The following LIN54 variants were observed in gnomAD, a reference collection of about 807,000 sequenced individuals.
LIN54 encodes the protein protein lin-54 homolog.
In LIN54, 9 loss-of-function variants were observed where a neutral mutation model predicts 78.7. The observed-to-expected ratio is 0.11, with a 90% CI of 0.07 to 0.20. The LOEUF (loss-of-function observed/expected upper bound fraction) is 0.20. LIN54 is among the 10% of genes least tolerant of loss of function. LIN54 has a pLI of 1.00. For synonymous variants in LIN54, 269 were observed against 318.4 expected, an observed-to-expected ratio of 0.84 and a Z score of 1.65; for missense variants, 573 against 889.9, an observed-to-expected ratio of 0.64 and a Z score of 4.53.
At chr4:82,949,305 G>A (rs1723655919) in intron 4 of LIN54, among the ~76,000 whole-genome samples, 2 of 152,034 alleles carry the variant, frequency 1.3e-5, no homozygotes, top group Admixed American at 6.6e-5. Flanking sequence ...GGCCATTTTT[G>A]TACCTTTGCA....
chr4:82,958,047 G>A (rs1724483811), intron 4 of LIN54, among the ~76,000 whole-genome samples: 1 of 151,984 alleles, frequency 6.6e-6, no homozygotes, highest in African/African-American at 2.4e-5. Context: ...ATTCTATTTT[G>A]TCTGCTGAAC....
upstream of LIN54, chr4:83,011,914 G>A (rs1442990997): frequency 8.8e-6 from 4 of 452,966 alleles, no homozygotes; most frequent in African/African-American, 8.5e-5. Context: ...TAAGCTCTGG[G>A]CAAACTGAAT....
chr4:82,990,559 T>C (rs185425896), intron 1 of LIN54, among the ~76,000 whole-genome samples: 2,440 of 151,948 alleles, frequency 0.016, 32 homozygotes, highest in Non-Finnish European at 0.025. Context: ...TCTCGGCTCA[T>C]TGCAAGCTCC....
chr4:82,981,309 T>C (rs968654176), intron 2 of LIN54, among the ~76,000 whole-genome samples: 3 of 152,186 alleles, frequency 2.0e-5, no homozygotes, highest in African/African-American at 7.2e-5. Flanking sequence ...CATGGGAAAG[T>C]GTTTATATAT....
At chr4:82,956,349 C>T (rs1724329281) in intron 4 of LIN54, among the ~76,000 whole-genome samples, 4 of 16,296 alleles carry the variant, frequency 2.5e-4, no homozygotes, top group Admixed American at 2.0e-3. Flanking sequence ...AATCCCGTCT[C>T]AACTAAAAAA....
At chr4:82,947,230 TATA>T (rs1309937491) in intron 4 of LIN54, among the ~76,000 whole-genome samples, 10 of 39,922 alleles carry the variant, frequency 2.5e-4, no homozygotes, top group Admixed American at 1.5e-3. Flanking sequence ...TATATATATA[TATA>T]TATTTTTTTT....
chr4:82,974,193 G>C (rs1252699233), intron 3 of LIN54, among the ~76,000 whole-genome samples: 1 of 151,338 alleles, frequency 6.6e-6, no homozygotes, highest in South Asian at 2.1e-4. Flanking sequence ...CTGGGTGACA[G>C]AGCAAAACTC....
Position 82,942,201 on chromosome 4 carries a change from C to T in LIN54, c.1169-2239G>A, listed in dbSNP as rs192648788. 2.8e-4 allele frequency among the ~76,000 whole-genome samples: 43 copies of T among 152,090 alleles called. 1 individual carries two copies. In the East Asian group the frequency reaches 6.8e-3, roughly 24 times the overall value. ...GGCTAAAGACAAAAAAGCTGAGAGT[C>T]CTAGAAGAGAATCTTAGAGTAGGCA... On this transcript the variant is annotated intron_variant, in intron 5 of 12. Coordinates refer to ENST00000340417, the MANE Select transcript of LIN54 (RefSeq NM_194282.4).
At chr4:82,940,411 C>T (rs10014698) in intron 5 of LIN54, among the ~76,000 whole-genome samples, 64,063 of 151,880 alleles carry the variant, frequency 0.42, 16,708 homozygotes, top group Admixed American at 0.58. Context: ...TTTTTTGAGA[C>T]GGAGACTCAC....
intron 5 of LIN54, 55 bp downstream of exon 5, chr4:82,946,203 G>A: frequency 7.0e-7 from 1 of 1,431,688 alleles, no homozygotes; most frequent in South Asian, 1.1e-5. Context: ...ATGGACAAAT[G>A]TTCTTTAATC....
chr4:82,947,235 A>ATATATATTTTTTTTTT, intron 4 of LIN54, among the ~76,000 whole-genome samples: 23 of 44,284 alleles, frequency 5.2e-4, no homozygotes, highest in African/African-American at 1.1e-3. Flanking sequence ...ATATATATAT[A>ATATATATTTTTTTTTT]TTTTTTTTTT....
chr4:82,976,310 C>A (rs189675169), intron 3 of LIN54, among the ~76,000 whole-genome samples: 2 of 149,986 alleles, frequency 1.3e-5, no homozygotes, highest in Admixed American at 6.7e-5. Context: ...ATCGCTTATA[C>A]ACAAATATAA....
At chr4:82,979,894 C>A (rs1726480405) in intron 2 of LIN54, among the ~76,000 whole-genome samples, 1 of 144,116 alleles carries the variant, frequency 6.9e-6, no homozygotes, top group Admixed American at 7.4e-5. Context: ...CGAGATTGCA[C>A]CACTGCACTC....
intron 4 of LIN54, among the ~76,000 whole-genome samples, chr4:82,968,728 T>C (rs1212006548): frequency 2.0e-5 from 3 of 152,172 alleles, no homozygotes; most frequent in Admixed American, 1.3e-4. Context: ...GCAGCCAAGG[T>C]TGAGAATCAC....
chr4:82,998,439 A>G (rs1728427695), intron 1 of LIN54, among the ~76,000 whole-genome samples: 1 of 152,026 alleles, frequency 6.6e-6, no homozygotes, highest in Non-Finnish European at 1.5e-5. Context: ...GCTACTCAGG[A>G]GGCTGAGGCA....
At position 82,984,409 on chromosome 4, in the gene LIN54, C is replaced by T; in HGVS notation, c.436G>A (p.Gly146Ser). ...AAAACAATTGGTGAACCAGACTTGC[C>T]CAAAGTTGTTAAAATTAACTTCTGT... ...DGQKLILTTL[G>S]KSGSPIVLAL... The change falls in exon 2 of 13, where the codon GGC (glycine) becomes AGC (serine). Residue 146 changes from glycine to serine, a missense_variant. Gly to Ser is a moderately conservative substitution (Grantham distance 56). Around this residue, in one of 6 missense-constraint regions of LIN54, gnomAD observed 183 missense variants for 228.4 expected, o/e 0.80. Transcript: ENST00000340417. 1 of 1,614,092 alleles carries T rather than the reference C, an allele frequency of 6.2e-7. No homozygotes were observed. Among genetic ancestry groups the T allele is most frequent in the Non-Finnish European group, 8.5e-7 (1 of 1,180,010 alleles).
intron 3 of LIN54, among the ~76,000 whole-genome samples, chr4:82,978,024 T>C (rs2126080322): frequency 6.6e-6 from 1 of 152,216 alleles, no homozygotes; most frequent in African/African-American, 2.4e-5. Flanking sequence ...ATGGACTTCA[T>C]CTTGAGGAAG....
chr4:82,981,689 GT>G (rs766858735), intron 2 of LIN54, among the ~76,000 whole-genome samples: 3 of 151,794 alleles, frequency 2.0e-5, no homozygotes, highest in Admixed American at 2.0e-4. Flanking sequence ...CCTTTTTATT[GT>G]TTTTTTTAAT....
intron 1 of LIN54, among the ~76,000 whole-genome samples, chr4:83,001,743 G>C (rs1429317065): frequency 6.7e-6 from 1 of 148,380 alleles, no homozygotes; most frequent in African/African-American, 2.5e-5. Context: ...AGCTACCAGG[G>C]AGGCTGAGGC....
Sources: allele counts gnomAD v4.1 joint callset (sites outside exome capture counted in the v4.1 genomes callset), GRCh38; gene constraint gnomAD v4.1.1; regional missense constraint gnomAD v4.1.1; transcripts MANE v1.5; gene names NCBI Gene and HGNC (gene_info 2026-07-23, HGNC 2026-07-21).